Variants in ZNF124 observed in about 807,000 individuals in gnomAD.
ZNF124 encodes the protein zinc finger protein HZF-16.
ZNF124 carries 25 observed loss-of-function variants against 26.6 expected under a neutral mutation model. That is an observed-to-expected ratio of 0.94 (90% CI 0.68 to 1.31). The LOEUF (loss-of-function observed/expected upper bound fraction) is 1.31, where lower values mean the gene tolerates loss of function less well. Ranked by LOEUF, ZNF124 falls within the 40% of genes most tolerant of loss-of-function variation. The pLI is 0.00. For synonymous variants in ZNF124, 129 were observed against 133.3 expected (o/e 0.97, Z 0.22); for missense variants, 444 against 422.2 (o/e 1.05, Z -0.45).
At chr1:247,131,590 T>C (rs531949498) in intron 3 of ZNF124, among the ~76,000 whole-genome samples, 1 of 152,300 alleles carries the variant, frequency 6.6e-6, no homozygotes, top group East Asian at 1.9e-4. Flanking sequence ...GGCTGCACTT[T>C]TCCCCTGCTT....
chr1:247,149,409 A>G (rs1211855318), intron 3 of ZNF124, among the ~76,000 whole-genome samples: 1 of 152,262 alleles, frequency 6.6e-6, no homozygotes, highest in Non-Finnish European at 1.5e-5. Context: ...GGTTTATTGC[A>G]GCATTTTCCA....
In ZNF124 at chr1:247,133,857, TAGTC is replaced by T. The variant is rs917407075; in HGVS notation, c.219-9990_219-9987del. ...TAGTAGAGACAGGGTTTCATCATGT[TAGTC>T]AGGCTGGCCTCAAACTCCTGACCTC... On this transcript the variant is annotated intron_variant, in intron 3 of 3. Coordinates refer to the ZNF124 transcript ENST00000472531. Among the ~76,000 whole-genome samples, 14 of 152,092 alleles carry T rather than the reference TAGTC, an allele frequency of 9.2e-5. No homozygotes were observed. In the East Asian group the frequency reaches 1.2e-3, roughly 13 times the overall value.
At chr1:247,128,389 CA>C (rs1395840070) in intron 3 of ZNF124, among the ~76,000 whole-genome samples, 5 of 149,088 alleles carry the variant, frequency 3.4e-5, no homozygotes, top group Non-Finnish European at 7.4e-5. Flanking sequence ...GTCCTGGGTT[CA>C]AAACTGTTTG....
chr1:247,154,330 C>T (rs1673029878), downstream of ZNF124, among the ~76,000 whole-genome samples: 1 of 152,156 alleles, frequency 6.6e-6, no homozygotes, highest in Admixed American at 6.5e-5. Flanking sequence ...TTGTACTTCT[C>T]CTTCCTGCCA....
intron 3 of ZNF124, among the ~76,000 whole-genome samples, chr1:247,127,356 GGTTAA>G (rs1672232540): frequency 1.2e-4 from 1 of 8,572 alleles, no homozygotes; most frequent in Non-Finnish European, 2.4e-4. Flanking sequence ...GCTGATTTGG[GGTTAA>G]GTTTTCTTTC....
Position 247,144,197 on chromosome 1 carries a change from G to A in ZNF124, c.218+14809C>T, listed in dbSNP as rs555061308. On this transcript the variant is annotated intron_variant, in intron 3 of 3. Transcript: ENST00000472531. The stretch of plus-strand genomic sequence containing the variant: ...CTGAGGTCTCAGTTGTTTACTCTGC[G>A]GGTTTCGGGTAGCTATCCCTCCCCA... Among the ~76,000 whole-genome samples, 15 of 152,238 alleles carry A rather than the reference G, an allele frequency of 9.9e-5. No homozygotes were observed. The South Asian group carries it at 2.3e-3, about 23-fold the overall frequency.
chr1:247,139,841 T>C (rs1212047331), intron 3 of ZNF124, among the ~76,000 whole-genome samples: 7 of 152,246 alleles, frequency 4.6e-5, no homozygotes, highest in Admixed American at 3.9e-4. Flanking sequence ...TTCTGGCTTA[T>C]AGGGTTTCAG....
In ZNF124 at chr1:247,170,636, C is replaced by T. The variant is rs1199753303; in HGVS notation, c.30+1212G>A. On this transcript the variant is annotated intron_variant, in intron 1 of 3. Transcript: ENST00000543802. ...TGGCAAGACTCACGTCTCCAAAAAC[C>T]CAGCTCCCCAAGTGAGCAATTCCTG... Among the ~76,000 whole-genome samples the T allele has an allele frequency of 4.2e-5, 6 of 143,858 alleles. 1 individual carries two copies. The East Asian group carries it at 6.0e-4, about 14-fold the overall frequency. The allele number at this position is 143,858 out of a possible 152,430, so 94.4% of individuals were successfully genotyped here.
intron 1 of ZNF124, among the ~76,000 whole-genome samples, chr1:247,165,167 C>T (rs543368026): frequency 5.9e-5 from 9 of 152,210 alleles, no homozygotes; most frequent in East Asian, 3.9e-4. Flanking sequence ...AGGGTTTCAC[C>T]GTGTTAGCGA....
chr1:247,142,143 A>G (rs1361372802), intron 3 of ZNF124, among the ~76,000 whole-genome samples: 4 of 152,196 alleles, frequency 2.6e-5, no homozygotes, highest in Non-Finnish European at 5.9e-5. Context: ...CAGCCTATCT[A>G]TAGATGAGAT....
At chr1:247,169,041 G>A (rs149777104) in intron 1 of ZNF124, among the ~76,000 whole-genome samples, 297 of 151,366 alleles carry the variant, frequency 2.0e-3, no homozygotes, top group African/African-American at 7.0e-3. Context: ...TATATAAAGT[G>A]GATTTAAAAT....
intron 3 of ZNF124, among the ~76,000 whole-genome samples, chr1:247,137,699 G>A (rs184035041): frequency 1.3e-4 from 20 of 151,876 alleles, no homozygotes; most frequent in African/African-American, 4.8e-4. Flanking sequence ...AAAATTTCTG[G>A]AATCTATCCA....
At chr1:247,164,889 G>A (rs1053838644) in intron 1 of ZNF124, among the ~76,000 whole-genome samples, 5 of 151,932 alleles carry the variant, frequency 3.3e-5, no homozygotes, top group African/African-American at 9.7e-5. Flanking sequence ...AAAACAGCAT[G>A]GTAATGGTAT....
At chr1:247,130,498 G>A (rs1250862288) in intron 3 of ZNF124, among the ~76,000 whole-genome samples, 1 of 152,204 alleles carries the variant, frequency 6.6e-6, no homozygotes, top group African/African-American at 2.4e-5. Flanking sequence ...TGTGACAGTG[G>A]ATGACTCTGT....
chr1:247,169,208 C>A (rs1173080608), intron 1 of ZNF124, among the ~76,000 whole-genome samples: 5 of 152,140 alleles, frequency 3.3e-5, no homozygotes, highest in Non-Finnish European at 7.3e-5. Flanking sequence ...GCAGCGCTAA[C>A]TGGAACACAG....
chr1:247,159,626 T>C lies in ZNF124; in HGVS notation c.157+61A>G, dbSNP rs573104781. 12 of 1,568,226 alleles carry C rather than the reference T, an allele frequency of 7.7e-6. No homozygotes were observed. In the East Asian group the frequency reaches 1.1e-4, roughly 15 times the overall value. ...GTACATTCCAAATCATGGAATGACA[T>C]TGAAAACCATGAAACACTTACTTTC... On this transcript the variant is annotated intron_variant, in intron 2 of 3. Coordinates refer to ENST00000543802, the MANE Select transcript of ZNF124 (RefSeq NM_001297568.2).
At position 247,156,296 on chromosome 1, in the gene ZNF124, A is replaced by G; in HGVS notation, c.*270T>C. 8.7e-7 allele frequency: 1 copy of G among 1,152,188 alleles called. No homozygotes were observed. The highest frequency in any genetic ancestry group is 4.4e-5 in the East Asian group (1 of 22,862). The allele number at this position is 1,152,188 out of a possible 1,614,324, so 71.4% of individuals were successfully genotyped here. Reference sequence around the variant, plus strand: ...AGAATGAGTTATGTTATACCATCAAATACCACTGGAACAACTGCAGGCCTT... The same window carrying G: ...AGAATGAGTTATGTTATACCATCAAGTACCACTGGAACAACTGCAGGCCTT... On this transcript the variant is annotated 3_prime_UTR_variant, in exon 4 of 4. Transcript: ENST00000543802.
chr1:247,148,592 G>C (rs947416956), intron 3 of ZNF124, among the ~76,000 whole-genome samples: 7 of 152,180 alleles, frequency 4.6e-5, no homozygotes, highest in African/African-American at 1.7e-4. Context: ...TGACAGGGAT[G>C]ATCAAAGAGA....
intron 1 of ZNF124, among the ~76,000 whole-genome samples, chr1:247,161,390 T>C (rs778675239): frequency 1.3e-5 from 2 of 152,178 alleles, no homozygotes; most frequent in African/African-American, 2.4e-5. Flanking sequence ...ATGAATTGCA[T>C]TGACCTCTAT....
Sources: allele counts gnomAD v4.1 joint callset (sites outside exome capture counted in the v4.1 genomes callset), GRCh38; gene constraint gnomAD v4.1.1; transcripts MANE v1.5; gene names NCBI Gene and HGNC (gene_info 2026-07-23, HGNC 2026-07-21).